PKHD1L1: variants seen among roughly 807,000 people sequenced by gnomAD.
PKHD1L1 encodes the protein fibrocystin-L.
A neutral mutation model predicts 462.9 loss-of-function variants in PKHD1L1; 434 were observed. The ratio of observed to expected loss-of-function variants is 0.94; its 90% CI spans 0.87 to 1.02. The LOEUF is 1.02. Among genes scored for constraint, PKHD1L1 ranks in the 50% least tolerant of loss-of-function variants. PKHD1L1 has a pLI of 0.00. For synonymous variants in PKHD1L1, 1,781 were observed against 1,750.0 expected (o/e 1.02, Z -0.44); for missense variants, 5,202 against 5,096.1 (o/e 1.02, Z -0.63).
Position 109,489,961 on chromosome 8 carries a change from G to A in PKHD1L1, c.9890G>A (p.Arg3297Lys). Reference sequence around the variant, plus strand: ...TCTTTCCCTACCTTAGGAAATGCAAGAATAAGTAATGTGGAATTTTATCAC... The same window carrying A: ...TCTTTCCCTACCTTAGGAAATGCAAAAATAAGTAATGTGGAATTTTATCAC... ...ENMMTFKGNA[R>K]ISNVEFYHSG... The change falls in exon 60 of 78, where the codon AGA becomes AAA. Residue 3297 changes from arginine to lysine, a missense_variant. Physicochemically the swap from Arg to Lys is conservative, Grantham distance 26 (BLOSUM62 2). This residue lies in a region of PKHD1L1 where 4,497 missense variants were observed against 4,336.8 expected (regional missense o/e 1.04). Coordinates refer to ENST00000378402, the MANE Select transcript of PKHD1L1 (RefSeq NM_177531.6). 6.3e-7 allele frequency: 1 copy of A among 1,595,842 alleles called. No individual in the cohort carries two copies. Among genetic ancestry groups the A allele is most frequent in the South Asian group, 1.1e-5 (1 of 90,084 alleles).
Position 109,442,961 on chromosome 8 carries a change from A to G in PKHD1L1, c.4409A>G (p.Gln1470Arg), listed in dbSNP as rs769334807. The G allele has an allele frequency of 6.2e-7, 1 of 1,612,956 alleles. No individual in the cohort carries two copies. The highest frequency in any genetic ancestry group is 1.1e-5 in the South Asian group (1 of 91,030). The change falls in exon 36 of 78, where the codon CAA (glutamine) becomes CGA (arginine). Residue 1470 changes from glutamine (Q) to arginine (R), a missense_variant. Physicochemically the swap from Gln to Arg is conservative, Grantham distance 43 (BLOSUM62 1). Transcript: ENST00000378402. ...QKSTSGSFSYQFTSPGIHYYS... is the reference protein window; with the variant it reads ...QKSTSGSFSYRFTSPGIHYYS... ...TTTATGGCAGGTTCATTTTCTTACC[A>G]ATTTACTTCTCCTGGAATCCATTAT...
intron 9 of PKHD1L1, among the ~76,000 whole-genome samples, chr8:109,392,499 C>G (rs541340933): frequency 2.6e-4 from 39 of 151,740 alleles, no homozygotes; most frequent in Non-Finnish European, 4.7e-4. Context: ...CCACCCCCCA[C>G]CCATTTTTTT....
At chr8:109,520,506 G>T (rs1820494332) in intron 73 of PKHD1L1, among the ~76,000 whole-genome samples, 1 of 152,112 alleles carries the variant, frequency 6.6e-6, no homozygotes, top group African/African-American at 2.4e-5. Flanking sequence ...ATCCAGACAG[G>T]TATAAGACCA....
intron 73 of PKHD1L1, among the ~76,000 whole-genome samples, chr8:109,519,272 T>C (rs1264315232): frequency 6.6e-6 from 1 of 152,064 alleles, no homozygotes; most frequent in African/African-American, 2.4e-5. Flanking sequence ...CAGAGAAATC[T>C]CTGCTGGCTG....
At chr8:109,388,171 G>T (rs1356344385) in intron 6 of PKHD1L1, among the ~76,000 whole-genome samples, 2 of 152,076 alleles carry the variant, frequency 1.3e-5, no homozygotes, top group Non-Finnish European at 2.9e-5. Flanking sequence ...TTTCTATGTT[G>T]TCTTTTCTTG....
intron 21 of PKHD1L1, among the ~76,000 whole-genome samples, chr8:109,417,511 C>T (rs1586468048): frequency 9.9e-6 from 1 of 101,248 alleles, no homozygotes; most frequent in South Asian, 3.9e-4. Flanking sequence ...TTGATATTAC[C>T]AGTCAAGACA....
At chr8:109,400,820 A>G (rs10101522) in intron 13 of PKHD1L1, among the ~76,000 whole-genome samples, 45,176 of 151,976 alleles carry the variant, frequency 0.3, 7,307 homozygotes, top group Admixed American at 0.43. Flanking sequence ...TACTCTATTG[A>G]ACATCTATGA....
In PKHD1L1 at chr8:109,445,474, C is replaced by T. The variant is rs377746967; in HGVS notation, c.5605C>T (p.Pro1869Ser). Residue 1869 changes from proline (P) to serine (S), a missense_variant, in exon 38 of 78, where the codon CCT becomes TCT. Coordinates refer to ENST00000378402, the MANE Select transcript of PKHD1L1 (RefSeq NM_177531.6). ...GNTTVTIGDE[P>S]CQIISINPNE... ...CACTACAGTCACTATTGGGGATGAACCTTGTCAAATTATTTCCATCAACCC... is the reference window on the plus strand; with the variant it reads ...CACTACAGTCACTATTGGGGATGAATCTTGTCAAATTATTTCCATCAACCC... The T allele has an allele frequency of 6.2e-7, 1 of 1,613,688 alleles. No homozygotes were observed. Among genetic ancestry groups the T allele is most frequent in the African/African-American group, 1.3e-5 (1 of 74,888 alleles).
At chr8:109,453,574 C>A (rs958387206) in intron 43 of PKHD1L1, among the ~76,000 whole-genome samples, 3 of 152,204 alleles carry the variant, frequency 2.0e-5, no homozygotes, top group Admixed American at 6.5e-5. Flanking sequence ...TTTTTAACTT[C>A]TGGGAAAATA....
chr8:109,373,682 C>T (rs1258799569), intron 2 of PKHD1L1, among the ~76,000 whole-genome samples: 2 of 152,168 alleles, frequency 1.3e-5, no homozygotes, highest in Non-Finnish European at 2.9e-5. Context: ...TTGAATGTGT[C>T]CCAGAGATTC....
intron 1 of PKHD1L1, 133 bp downstream of exon 1, chr8:109,362,786 C>A: frequency 2.1e-6 from 2 of 949,358 alleles, no homozygotes; most frequent in Non-Finnish European, 3.2e-6. Flanking sequence ...CATGACGATC[C>A]TGGGGACCAG....
At chr8:109,410,949 G>A (rs370763935) in intron 19 of PKHD1L1, among the ~76,000 whole-genome samples, 20 of 151,334 alleles carry the variant, frequency 1.3e-4, no homozygotes, top group African/African-American at 3.9e-4. Flanking sequence ...GGATGGTCTC[G>A]ATCTCTTGAC....
At chr8:109,374,808 T>C (rs1247718659) in intron 2 of PKHD1L1, among the ~76,000 whole-genome samples, 2 of 152,194 alleles carry the variant, frequency 1.3e-5, no homozygotes, top group African/African-American at 2.4e-5. Flanking sequence ...TTCTTTTCTT[T>C]AAGAATGTTG....
At chr8:109,370,596 G>A (rs558697516) in intron 2 of PKHD1L1, among the ~76,000 whole-genome samples, 13 of 151,992 alleles carry the variant, frequency 8.6e-5, no homozygotes, top group Middle Eastern at 3.4e-3. Context: ...CCATGTTGGT[G>A]TGCTGCACCC....
At chr8:109,452,964 A>G (rs577210434) in intron 43 of PKHD1L1, 90 bp downstream of exon 43, 210 of 1,113,310 alleles carry the variant, frequency 1.9e-4, no homozygotes, top group Middle Eastern at 1.4e-3. Context: ...ATGAACAAAC[A>G]TAGTTGCACT....
chr8:109,388,489 T>C lies in PKHD1L1; in HGVS notation c.570-8T>C, dbSNP rs117301663. On this transcript the variant is annotated splice_polypyrimidine_tract_variant and splice_region_variant and intron_variant, in intron 6 of 77. Transcript: ENST00000378402. ...ACTTGATTTTTTCTAATAAAAATAT[T>C]TGTACAGAGTTTACATTGGAGGAAT... is the stretch of plus-strand genomic sequence containing the variant. The C allele has an allele frequency of 1.9e-4, 286 of 1,496,238 alleles. 1 individual carries two copies. The East Asian group carries it at 6.3e-3, about 33-fold the overall frequency. The allele number at this position is 1,496,238 out of a possible 1,614,324, so 92.7% of individuals were successfully genotyped here. A position where few individuals can be genotyped will look rare whatever the true frequency, so the allele number is the denominator to read the frequency against.
At chr8:109,459,982 A>G (rs929765695) in intron 47 of PKHD1L1, 146 bp downstream of exon 47, 3 of 614,830 alleles carry the variant, frequency 4.9e-6, no homozygotes, top group Non-Finnish European at 6.8e-6. Context: ...ATAAGATACC[A>G]TTAAATATCT....
chr8:109,492,629 T>C (rs1356727357), intron 62 of PKHD1L1, among the ~76,000 whole-genome samples: 1 of 151,854 alleles, frequency 6.6e-6, no homozygotes, highest in Non-Finnish European at 1.5e-5. Flanking sequence ...TTAGTATACA[T>C]TTATGAGGTT....
At chr8:109,459,981 C>T (rs919357501) in intron 47 of PKHD1L1, 145 bp downstream of exon 47, 1 of 607,704 alleles carries the variant, frequency 1.6e-6, no homozygotes, top group East Asian at 4.6e-5. Context: ...TATAAGATAC[C>T]ATTAAATATC....
Sources: gnomAD v4.1 joint callset for allele counts (sites outside exome capture counted in the v4.1 genomes callset) on GRCh38, gnomAD v4.1.1 for gene constraint, gnomAD v4.1.1 regional missense constraint, MANE v1.5 for transcripts, NCBI Gene and HGNC (gene_info 2026-07-23, HGNC 2026-07-21) for gene names.